ATP9B: variants seen among roughly 807,000 people sequenced by gnomAD.
The protein encoded by ATP9B is probable phospholipid-transporting ATPase IIB.
A neutral mutation model predicts 146.1 loss-of-function variants in ATP9B; 110 were observed. That is an observed-to-expected ratio of 0.75 (90% CI 0.65 to 0.88). The LOEUF is 0.88. ATP9B is among the 40% of genes least tolerant of loss of function. ATP9B has a pLI of 0.00. For synonymous variants in ATP9B, 604 were observed against 569.7 expected (o/e 1.06, Z -0.86); for missense variants, 1,499 against 1,496.4 (o/e 1.00, Z -0.03).
chr18:79,297,159 C>T (rs893693193), intron 13 of ATP9B, among the ~76,000 whole-genome samples: 12 of 129,692 alleles, frequency 9.3e-5, no homozygotes, highest in African/African-American at 1.8e-4. Flanking sequence ...GACAGAGAGA[C>T]GACCCAGAGA....
intron 7 of ATP9B, among the ~76,000 whole-genome samples, chr18:79,159,779 A>G (rs1309158038): frequency 6.6e-6 from 1 of 152,170 alleles, no homozygotes; most frequent in Non-Finnish European, 1.5e-5. Context: ...GTTTTTCGTC[A>G]TGACCTCACC....
intron 8 of ATP9B, among the ~76,000 whole-genome samples, chr18:79,177,560 A>G (rs957381611): frequency 5.3e-5 from 8 of 152,056 alleles, no homozygotes; most frequent in African/African-American, 1.9e-4. Context: ...TTTATTTCTT[A>G]TTTGGCTGTG....
chr18:79,269,172 TG>T (rs1383732977), intron 12 of ATP9B, among the ~76,000 whole-genome samples: 1 of 152,216 alleles, frequency 6.6e-6, no homozygotes, highest in Non-Finnish European at 1.5e-5. Flanking sequence ...CTCTGGGACA[TG>T]GGGTCAGGGC....
intron 2 of ATP9B, among the ~76,000 whole-genome samples, chr18:79,103,882 G>A (rs1365188541): frequency 6.6e-6 from 1 of 152,038 alleles, no homozygotes; most frequent in East Asian, 1.9e-4. Flanking sequence ...AGTTTGTAGG[G>A]GCAGAGAGTT....
At chr18:79,141,534 G>T (rs2094514222) in intron 5 of ATP9B, among the ~76,000 whole-genome samples, 1 of 152,176 alleles carries the variant, frequency 6.6e-6, no homozygotes, top group African/African-American at 2.4e-5. Context: ...TTAAATACTA[G>T]CATTTACATT....
At chr18:79,265,428 G>A (rs56355634) in intron 12 of ATP9B, among the ~76,000 whole-genome samples, 2,179 of 152,286 alleles carry the variant, frequency 0.014, 20 homozygotes, top group Middle Eastern at 0.027. Context: ...ACAAGCGTGA[G>A]CCACCACGCC....
chr18:79,144,510 G>T (rs185294437), intron 6 of ATP9B, among the ~76,000 whole-genome samples: 1 of 152,126 alleles, frequency 6.6e-6, no homozygotes, highest in African/African-American at 2.4e-5. Context: ...TCACAATAGG[G>T]CTCTTGCTCC....
At chr18:79,173,346 A>AT (rs140431817) in intron 7 of ATP9B, among the ~76,000 whole-genome samples, 10,209 of 149,332 alleles carry the variant, frequency 0.068, 411 homozygotes, top group Non-Finnish European at 0.096. Context: ...AGTCCAATTG[A>AT]TTTTTTTTTA....
At chr18:79,327,572 AGC>A (rs2096758867) in intron 15 of ATP9B, among the ~76,000 whole-genome samples, 11 of 134,456 alleles carry the variant, frequency 8.2e-5, no homozygotes, top group Admixed American at 2.2e-4. Flanking sequence ...CTCCGTGGTT[AGC>A]GTGCTCTCCG....
intron 14 of ATP9B, 80 bp from the exon 15 acceptor site, chr18:79,306,906 C>A: frequency 6.7e-7 from 1 of 1,494,134 alleles, no homozygotes; most frequent in Non-Finnish European, 9.1e-7. Context: ...TTGTAAAAAT[C>A]ATATATGTTA....
At chr18:79,234,302 T>G (rs1392397980) in intron 11 of ATP9B, among the ~76,000 whole-genome samples, 1 of 152,244 alleles carries the variant, frequency 6.6e-6, no homozygotes, top group Non-Finnish European at 1.5e-5. Context: ...ATTCAAATAA[T>G]TTAGAAATTT....
chr18:79,102,179 A>G (rs2075329715), intron 2 of ATP9B, among the ~76,000 whole-genome samples: 1 of 151,906 alleles, frequency 6.6e-6, no homozygotes, highest in Non-Finnish European at 1.5e-5. Flanking sequence ...TTGTCTTTCC[A>G]TCCGTTGAGA....
intron 14 of ATP9B, 96 bp downstream of exon 14, chr18:79,303,812 G>A (rs763501506): frequency 2.0e-4 from 149 of 756,912 alleles, no homozygotes; most frequent in Admixed American, 4.4e-4. Flanking sequence ...AAATTAGCAC[G>A]CTTCTTGGTG....
chr18:79,210,329 G>A (rs2095572603), intron 10 of ATP9B, among the ~76,000 whole-genome samples: 1 of 152,232 alleles, frequency 6.6e-6, no homozygotes, highest in African/African-American at 2.4e-5. Flanking sequence ...TGACGGGGCT[G>A]TCAGAGGGCA....
chr18:79,361,979 C>T (rs1234389983), intron 26 of ATP9B: 9 of 183,148 alleles, frequency 4.9e-5, no homozygotes, highest in Non-Finnish European at 8.3e-5. Flanking sequence ...GCATAAAGGG[C>T]CGCGGCCTGC....
chr18:79,187,825 A>G (rs547346645), intron 8 of ATP9B, among the ~76,000 whole-genome samples: 1 of 152,368 alleles, frequency 6.6e-6, no homozygotes, highest in African/African-American at 2.4e-5. Flanking sequence ...TGACTCACAT[A>G]GATTAAAATA....
At chr18:79,281,152 T>A (rs1018157645) in intron 13 of ATP9B, among the ~76,000 whole-genome samples, 10 of 152,180 alleles carry the variant, frequency 6.6e-5, no homozygotes, top group Non-Finnish European at 1.3e-4. Flanking sequence ...GTCAGACTTT[T>A]GAAAAAGACA....
chr18:79,300,984 C>A (rs2096586708), intron 13 of ATP9B, among the ~76,000 whole-genome samples: 1 of 152,168 alleles, frequency 6.6e-6, no homozygotes, highest in South Asian at 2.1e-4. Flanking sequence ...AGAGAAAAGT[C>A]TAAAGGAAAT....
At chr18:79,293,032 C>T (rs2146209352) in intron 13 of ATP9B, among the ~76,000 whole-genome samples, 1 of 151,756 alleles carries the variant, frequency 6.6e-6, no homozygotes, top group African/African-American at 2.4e-5. Context: ...AGTGAGAGGC[C>T]ATAAATAAAT....
Sources: allele counts gnomAD v4.1 joint callset (sites outside exome capture counted in the v4.1 genomes callset), GRCh38; gene constraint gnomAD v4.1.1; transcripts MANE v1.5; gene names NCBI Gene and HGNC (gene_info 2026-07-23, HGNC 2026-07-21).